TEK: variants seen among roughly 807,000 people sequenced by gnomAD.
TEK encodes the protein TEK receptor tyrosine kinase.
TEK carries 43 observed loss-of-function variants against 131.8 expected under a neutral mutation model. The observed-to-expected ratio is 0.33, with a 90% CI of 0.26 to 0.42. The LOEUF (loss-of-function observed/expected upper bound fraction) is 0.42, where lower values mean the gene tolerates loss of function less well. TEK is among the 10% of genes least tolerant of loss of function. TEK has a pLI of 1.00. For synonymous variants in TEK, 580 were observed against 491.6 expected, an observed-to-expected ratio of 1.18 and a Z score of -2.38; for missense variants, 1,162 against 1,384.4, an observed-to-expected ratio of 0.84 and a Z score of 2.55.
At chr9:27,201,149 G>A (rs1220251204) in intron 12 of TEK, among the ~76,000 whole-genome samples, 1 of 152,170 alleles carries the variant, frequency 6.6e-6, no homozygotes, top group Non-Finnish European at 1.5e-5. Context: ...CAGAGAACCT[G>A]CTAAAATGTA....
At chr9:27,179,570 G>A (rs1411161854) in intron 6 of TEK, among the ~76,000 whole-genome samples, 2 of 152,142 alleles carry the variant, frequency 1.3e-5, no homozygotes, top group Non-Finnish European at 2.9e-5. Context: ...TTTTGGGAAT[G>A]TTGATTTTGT....
chr9:27,225,048 A>G (rs927262433), intron 21 of TEK, among the ~76,000 whole-genome samples: 1 of 152,170 alleles, frequency 6.6e-6, no homozygotes, highest in Non-Finnish European at 1.5e-5. Flanking sequence ...TCCAACTTAC[A>G]AGGGATGTGA....
rs1431839307 is a variant in TEK at position 27,202,852 on chromosome 9, T to G, written c.1942T>G (p.Ser648Ala). ...LPPQPENIKI[S>A]NITHSSAVIS... is the part of the protein sequence containing the mutation. ...TCCTCAACCAGAAAACATCAAGATT[T>G]CCAACATTACACACTCCTCAGCTGT... The change falls in exon 13 of 23, where the codon TCC becomes GCC. Residue 648 changes from serine to alanine, a missense_variant. Around this residue, in one of 6 missense-constraint regions of TEK, gnomAD observed 477 missense variants for 471.0 expected, o/e 1.01. Coordinates refer to ENST00000380036, the MANE Select transcript of TEK (RefSeq NM_000459.5). 1 of 1,614,042 alleles carries G rather than the reference T, an allele frequency of 6.2e-7. No homozygotes were observed. The highest frequency in any genetic ancestry group is 8.5e-7 in the Non-Finnish European group (1 of 1,180,000).
At chr9:27,212,064 CTAT>C (rs1825654723) in intron 16 of TEK, among the ~76,000 whole-genome samples, 1 of 150,568 alleles carries the variant, frequency 6.6e-6, no homozygotes, top group South Asian at 2.1e-4. Flanking sequence ...TTTCTAGGAA[CTAT>C]TGTTTTATTT....
intron 16 of TEK, 29 bp from the exon 17 acceptor site, chr9:27,212,678 T>G: frequency 6.2e-7 from 1 of 1,612,948 alleles, no homozygotes; most frequent in Non-Finnish European, 8.5e-7. Context: ...GGGCCACTGA[T>G]GAGTCGATGC....
chr9:27,190,209 A>C (rs1314228613), intron 9 of TEK, among the ~76,000 whole-genome samples: 1 of 152,138 alleles, frequency 6.6e-6, no homozygotes, highest in Non-Finnish European at 1.5e-5. Context: ...AGGAGGCTGG[A>C]GAGTGGGCAG....
At chr9:27,142,183 C>T (rs376258708) in intron 1 of TEK, among the ~76,000 whole-genome samples, 2 of 152,132 alleles carry the variant, frequency 1.3e-5, no homozygotes, top group South Asian at 2.1e-4. Flanking sequence ...AATGGACAGA[C>T]AATGGACTGG....
chr9:27,218,307 G>T (rs1176912377), intron 19 of TEK, among the ~76,000 whole-genome samples: 1 of 152,038 alleles, frequency 6.6e-6, no homozygotes, highest in African/African-American at 2.4e-5. Flanking sequence ...GGCATGAGGA[G>T]GGGGTGGGCA....
intron 18 of TEK, among the ~76,000 whole-genome samples, chr9:27,214,369 A>T (rs142758965): frequency 0.017 from 2,568 of 152,080 alleles, 22 homozygotes; most frequent in Non-Finnish European, 0.027. Flanking sequence ...TGGCAGATCT[A>T]CTCTGGTGGA....
At chr9:27,147,070 A>C (rs1822954733) in intron 1 of TEK, among the ~76,000 whole-genome samples, 1 of 152,150 alleles carries the variant, frequency 6.6e-6, no homozygotes, top group Non-Finnish European at 1.5e-5. Flanking sequence ...TCTGAAGGGT[A>C]AATGCCTACA....
intron 11 of TEK, among the ~76,000 whole-genome samples, chr9:27,194,478 T>C (rs1824937380): frequency 6.6e-6 from 1 of 152,064 alleles, no homozygotes; most frequent in Admixed American, 6.6e-5. Flanking sequence ...AGAAACTATA[T>C]AGAGAGGAAA....
Position 27,227,994 on chromosome 9 carries a change from A to G in TEK, c.3201-212A>G, listed in dbSNP as rs138216993. On this transcript the variant is annotated intron_variant, in intron 21 of 22. Coordinates refer to ENST00000380036, the MANE Select transcript of TEK (RefSeq NM_000459.5). ...TAGCTGAGACCAAGGTCCTGCAGAAACAGTACCGAGGGTAGGAACTAAATC... is the reference window on the plus strand; with the variant it reads ...TAGCTGAGACCAAGGTCCTGCAGAAGCAGTACCGAGGGTAGGAACTAAATC... 6.3e-3 allele frequency among the ~76,000 whole-genome samples: 958 copies of G among 152,254 alleles called. 7 individuals are homozygous for G. The highest frequency in any genetic ancestry group is 0.016 in the South Asian group (75 of 4,820).
chr9:27,159,012 A>C (rs1823446866), intron 2 of TEK, among the ~76,000 whole-genome samples: 1 of 152,132 alleles, frequency 6.6e-6, no homozygotes, highest in South Asian at 2.1e-4. Context: ...ACCACAAACC[A>C]CAGTGGCATA....
chr9:27,138,291 C>G (rs13286157), intron 1 of TEK, among the ~76,000 whole-genome samples: 35,370 of 151,538 alleles, frequency 0.23, 4,653 homozygotes, highest in Admixed American at 0.3. Flanking sequence ...TTGGCCCTGC[C>G]CACATCCTGC....
At chr9:27,114,424 A>G (rs1821467411) in intron 1 of TEK, among the ~76,000 whole-genome samples, 1 of 152,180 alleles carries the variant, frequency 6.6e-6, no homozygotes, top group Non-Finnish European at 1.5e-5. Flanking sequence ...TACAAAAGTT[A>G]GCTGGGCATG....
chr9:27,184,562 G>A (rs1459199652), intron 8 of TEK, among the ~76,000 whole-genome samples: 1 of 152,158 alleles, frequency 6.6e-6, no homozygotes, highest in East Asian at 1.9e-4. Flanking sequence ...GGTAGAAGAA[G>A]CCAATTGATG....
chr9:27,190,999 G>A (rs1471958059), intron 10 of TEK, among the ~76,000 whole-genome samples: 1 of 152,104 alleles, frequency 6.6e-6, no homozygotes, highest in East Asian at 1.9e-4. Context: ...CTGGTCATGG[G>A]GAAAGGCACT....
At chr9:27,197,761 A>T (rs956357640) in intron 12 of TEK, among the ~76,000 whole-genome samples, 162 bp downstream of exon 12, 2 of 152,224 alleles carry the variant, frequency 1.3e-5, no homozygotes, top group African/African-American at 4.8e-5. Flanking sequence ...ATAACTTGCA[A>T]TATATAACAT....
chr9:27,183,328 A>G, intron 7 of TEK, 131 bp from the exon 8 acceptor site: 2 of 1,012,014 alleles, frequency 2.0e-6, no homozygotes, highest in Non-Finnish European at 3.1e-6. Context: ...GTCTTATGTG[A>G]TGACAAAACA....
Sources: allele counts gnomAD v4.1 joint callset (sites outside exome capture counted in the v4.1 genomes callset), GRCh38; gene constraint gnomAD v4.1.1; regional missense constraint gnomAD v4.1.1; transcripts MANE v1.5; gene names NCBI Gene and HGNC (gene_info 2026-07-23, HGNC 2026-07-21).